Variants in PYGB observed in about 807,000 individuals in gnomAD.
The protein encoded by PYGB is glycogen phosphorylase B.
PYGB carries 82 observed loss-of-function variants against 94.3 expected under a neutral mutation model. That is an observed-to-expected ratio of 0.87 (90% CI 0.73 to 1.04). PYGB has a LOEUF of 1.04. Ranked by LOEUF, PYGB falls within the 50% of genes least tolerant of loss-of-function variation. PYGB has a pLI of 0.00. For synonymous variants in PYGB, 488 were observed against 479.1 expected (o/e 1.02, Z -0.24); for missense variants, 1,132 against 1,158.2 (o/e 0.98, Z 0.33).
intron 14 of PYGB, 187 bp from the exon 15 acceptor site, chr20:25,288,238 T>G (rs1176103254): frequency 1.4e-6 from 1 of 726,116 alleles, no homozygotes. Context: ...AAGTGGCAGG[T>G]TCCTGGTGGG....
intron 1 of PYGB, among the ~76,000 whole-genome samples, chr20:25,256,342 A>T (rs1390366545): frequency 6.6e-6 from 1 of 151,364 alleles, no homozygotes; most frequent in Non-Finnish European, 1.5e-5. Flanking sequence ...ATGTTTTTCT[A>T]TTATTTGCCT....
At chr20:25,260,649 G>A (rs868266610) in intron 2 of PYGB, among the ~76,000 whole-genome samples, 3 of 152,194 alleles carry the variant, frequency 2.0e-5, no homozygotes, top group Non-Finnish European at 4.4e-5. Flanking sequence ...AGCCCACCGA[G>A]CGTGAGAGCA....
chr20:25,281,841 G>C (rs2088370281), intron 11 of PYGB, among the ~76,000 whole-genome samples, 192 bp from the exon 12 acceptor site: 2 of 152,244 alleles, frequency 1.3e-5, no homozygotes, highest in African/African-American at 4.8e-5. Context: ...AGATGCCCCG[G>C]GGTGCAGGTG....
At chr20:25,268,168 C>CCT (rs1330868473) in intron 2 of PYGB, among the ~76,000 whole-genome samples, 1 of 97,762 alleles carries the variant, frequency 1.0e-5, no homozygotes, top group Admixed American at 1.1e-4. Context: ...CCCGCCCCCC[C>CCT]CCCATATCCA....
At chr20:25,251,052 AAG>A (rs963943565) in intron 1 of PYGB, 6 of 152,232 alleles carry the variant, frequency 3.9e-5, no homozygotes, top group Admixed American at 2.0e-4. Flanking sequence ...TACATAGCGA[AAG>A]AGTAGAAGTT....
At position 25,279,128 on chromosome 20, in the gene PYGB, G is replaced by A. The variant is rs756378229; in HGVS notation, c.1071G>A (p.Val357=). Residue 357 remains valine (V), a synonymous_variant, in exon 9 of 20, where the codon GTG becomes GTA. Coordinates refer to ENST00000216962, the MANE Select transcript of PYGB (RefSeq NM_002862.4). ...IPELMRILVD[V]EKVDWDKAWE... ...AGCTCATGCGGATCCTGGTGGACGTGGAGAAGGTGGACTGGGACAAGGTGA... is the reference window on the plus strand; with the variant it reads ...AGCTCATGCGGATCCTGGTGGACGTAGAGAAGGTGGACTGGGACAAGGTGA... The A allele has an allele frequency of 1.9e-6, 3 of 1,613,976 alleles. No individual in the cohort carries two copies. In the South Asian group the frequency reaches 3.3e-5, roughly 18 times the overall value.
rs377289028 is a variant in PYGB, at chr20:25,274,661, C to G, written c.598C>G (p.Pro200Ala). 1.1e-5 allele frequency: 18 copies of G among 1,613,824 alleles called. No individual in the cohort carries two copies. The highest frequency in any genetic ancestry group is 1.4e-5 in the Non-Finnish European group (17 of 1,180,044). The change falls in exon 5 of 20, where the codon CCC becomes GCC. Residue 200 changes from proline (P) to alanine (A), a missense_variant. Coordinates refer to ENST00000216962, the MANE Select transcript of PYGB (RefSeq NM_002862.4). ...GAAAGCGCGGCCTGAGTATATGCTTCCCGTGCACTTCTACGGACGCGTGGA... is the reference window on the plus strand; with the variant it reads ...GAAAGCGCGGCCTGAGTATATGCTTGCCGTGCACTTCTACGGACGCGTGGA... Reference protein sequence around the residue: ...WEKARPEYMLPVHFYGRVEHT... With the variant: ...WEKARPEYMLAVHFYGRVEHT...
chr20:25,249,931 C>A (rs2092882911), intron 1 of PYGB, among the ~76,000 whole-genome samples: 1 of 151,704 alleles, frequency 6.6e-6, no homozygotes, highest in Non-Finnish European at 1.5e-5. Context: ...CTCAGTGCAA[C>A]CTCCGCCTCC....
In PYGB at chr20:25,284,243, T is replaced by C. The variant is rs1441949106; in HGVS notation, c.1760T>C (p.Leu587Pro). ...CTCAACTGCCTGCACGTCGTCACCC[T>C]GTACAATCGTGAGTGCCGGCATCAC... Reference protein sequence around the residue: ...QLLNCLHVVTLYNRIKRDPAK... With the variant: ...QLLNCLHVVTPYNRIKRDPAK... Residue 587 changes from leucine (L) to proline (P), a missense_variant, in exon 14 of 20, where the codon CTG becomes CCG. By Grantham distance (98) the Leu-to-Pro change is moderately conservative. Transcript: ENST00000216962. 1 of 1,613,342 alleles carries C rather than the reference T, an allele frequency of 6.2e-7. No homozygotes were observed. The highest frequency in any genetic ancestry group is 8.5e-7 in the Non-Finnish European group (1 of 1,179,558).
intron 4 of PYGB, among the ~76,000 whole-genome samples, chr20:25,273,751 C>T (rs143383097): frequency 6.7e-5 from 10 of 150,254 alleles, no homozygotes; most frequent in African/African-American, 1.5e-4. Context: ...AACAGCTTGT[C>T]TTCCTGGGTG....
chr20:25,293,977 AG>A (rs1203953792), intron 17 of PYGB, 180 bp from the exon 18 acceptor site: 24 of 684,182 alleles, frequency 3.5e-5, no homozygotes, highest in Non-Finnish European at 5.6e-5. Context: ...CTGCTCGAGC[AG>A]GTCCCTGCTC....
chr20:25,287,192 A>G (rs1046530171), intron 14 of PYGB, among the ~76,000 whole-genome samples: 4 of 152,116 alleles, frequency 2.6e-5, no homozygotes, highest in Non-Finnish European at 5.9e-5. Flanking sequence ...TTGACCCTCC[A>G]TCCACTTCTG....
chr20:25,272,084 C>T (rs1193375276), intron 4 of PYGB, among the ~76,000 whole-genome samples: 1 of 152,166 alleles, frequency 6.6e-6, no homozygotes. Context: ...GGGAGGAGGG[C>T]GTGGTCTTAA....
At chr20:25,278,969 C>T in intron 8 of PYGB, 88 bp from the exon 9 acceptor site, 1 of 1,328,824 alleles carries the variant, frequency 7.5e-7, no homozygotes, top group South Asian at 1.4e-5. Context: ...TGGGCTGGCT[C>T]CTTCACTTGG....
At chr20:25,288,544 G>C in intron 15 of PYGB, 61 bp downstream of exon 15, 1 of 1,560,968 alleles carries the variant, frequency 6.4e-7, no homozygotes, top group South Asian at 1.1e-5. Context: ...TGGGTGGGCA[G>C]CCTGCACGCT....
chr20:25,283,074 G>A, intron 12 of PYGB, 102 bp from the exon 13 acceptor site: 1 of 979,648 alleles, frequency 1.0e-6, no homozygotes, highest in Non-Finnish European at 1.6e-6. Context: ...GATCCCAGGG[G>A]AAAGCAGGGG....
At chr20:25,277,409 G>A in intron 7 of PYGB, 83 bp downstream of exon 7, 2 of 1,349,638 alleles carry the variant, frequency 1.5e-6, no homozygotes, top group South Asian at 1.2e-5. Flanking sequence ...GGGCTCCCCA[G>A]TGGGGCCTGC....
At chr20:25,280,000 G>A (rs568986932) in intron 9 of PYGB, among the ~76,000 whole-genome samples, 60 of 152,348 alleles carry the variant, frequency 3.9e-4, no homozygotes, top group Non-Finnish European at 6.9e-4. Context: ...CCAGGTAGCA[G>A]GCGATTGTGT....
At chr20:25,269,080 G>A in intron 2 of PYGB, 49 bp from the exon 3 acceptor site, 4 of 1,458,636 alleles carry the variant, frequency 2.7e-6, no homozygotes, top group Non-Finnish European at 3.8e-6. Context: ...TGTCATTCAA[G>A]GGAAAATATT....
Sources: gnomAD v4.1 joint callset for allele counts (sites outside exome capture counted in the v4.1 genomes callset) on GRCh38, gnomAD v4.1.1 for gene constraint, MANE v1.5 for transcripts, NCBI Gene and HGNC (gene_info 2026-07-23, HGNC 2026-07-21) for gene names.